Variants in FAM117A observed in about 807,000 individuals in gnomAD.
The protein encoded by FAM117A is family with sequence similarity 117 member A, also known as protein FAM117A.
In FAM117A, 21 loss-of-function variants were observed where a neutral mutation model predicts 44.1. The observed-to-expected ratio is 0.48, with a 90% CI of 0.34 to 0.69. The LOEUF (loss-of-function observed/expected upper bound fraction) is 0.69, where lower values mean the gene tolerates loss of function less well. Among genes scored for constraint, FAM117A ranks in the 30% least tolerant of loss-of-function variants. The pLI, the probability that FAM117A is intolerant of heterozygous loss-of-function variation, is 0.01. For synonymous variants in FAM117A, 220 were observed against 238.3 expected (o/e 0.92, Z 0.71); for missense variants, 498 against 589.9 (o/e 0.84, Z 1.61).
chr17:49,781,725 C>A (rs1223194549), intron 1 of FAM117A, among the ~76,000 whole-genome samples: 1 of 152,146 alleles, frequency 6.6e-6, no homozygotes, highest in Non-Finnish European at 1.5e-5. Flanking sequence ...GCTTGTAATC[C>A]TAGCATTTTG....
In FAM117A at chr17:49,771,011, A is replaced by C. The variant is rs1301776163; in HGVS notation, c.-621+17486T>G. ...CACTTGAGGTCAGGAGTTCGAGACC[A>C]GCCTGGCCAACATGGAGACACCCCC... On this transcript the variant is annotated intron_variant, in intron 1 of 7. Transcript: ENST00000513602. Among the ~76,000 whole-genome samples, 4 of 152,180 alleles carry C rather than the reference A, an allele frequency of 2.6e-5. No individual in the cohort carries two copies. The East Asian group carries it at 7.7e-4, about 29-fold the overall frequency.
chr17:49,754,322 C>A (rs1360682619), intron 1 of FAM117A, among the ~76,000 whole-genome samples: 1 of 146,466 alleles, frequency 6.8e-6, no homozygotes, highest in South Asian at 2.2e-4. Context: ...TTTTTTTTTT[C>A]GAGATGGAGT....
intron 1 of FAM117A, among the ~76,000 whole-genome samples, chr17:49,778,551 T>A (rs1438329231): frequency 6.6e-6 from 1 of 152,266 alleles, no homozygotes; most frequent in Non-Finnish European, 1.5e-5. Context: ...TTTCCCCGAC[T>A]CTGATATATC....
chr17:49,788,721 A>C (rs2073839421), upstream of FAM117A: 2 of 1,185,142 alleles, frequency 1.7e-6, no homozygotes, highest in Non-Finnish European at 2.3e-6. Context: ...GGCACTAGGG[A>C]TCGTCCGCAG....
At chr17:49,730,056 C>T (rs947065397) in intron 2 of FAM117A, among the ~76,000 whole-genome samples, 6 of 152,104 alleles carry the variant, frequency 3.9e-5, no homozygotes, top group East Asian at 1.9e-4. Context: ...GGACCAGGCC[C>T]GGGGGCTTAA....
At chr17:49,727,724 CTG>C (rs2073566406) in intron 2 of FAM117A, among the ~76,000 whole-genome samples, 2 of 152,358 alleles carry the variant, frequency 1.3e-5, no homozygotes, top group East Asian at 3.9e-4. Flanking sequence ...ACCCTCCAAA[CTG>C]GAATCTCTCA....
chr17:49,788,696 C>T, upstream of FAM117A: 1 of 915,698 alleles, frequency 1.1e-6, no homozygotes, highest in Non-Finnish European at 1.6e-6. Flanking sequence ...ACGCTCCAGA[C>T]GCTGAGAGGC....
chr17:49,760,803 C>T (rs1458368703), intron 1 of FAM117A, among the ~76,000 whole-genome samples: 5 of 152,188 alleles, frequency 3.3e-5, no homozygotes, highest in Non-Finnish European at 1.5e-5. Flanking sequence ...AAGTCAGCGG[C>T]CTCTAACTGA....
intron 1 of FAM117A, among the ~76,000 whole-genome samples, chr17:49,784,841 T>C (rs1008381588): frequency 1.3e-5 from 2 of 152,214 alleles, no homozygotes; most frequent in African/African-American, 4.8e-5. Flanking sequence ...TAAGCTCCTT[T>C]AGGGGAAAGT....
At position 49,724,881 on chromosome 17, in the gene FAM117A, G is replaced by T. The variant is rs913621743; in HGVS notation, c.367-2287C>A. Among the ~76,000 whole-genome samples the T allele has an allele frequency of 5.1e-4, 77 of 151,358 alleles. 2 individuals carry two copies. Among genetic ancestry groups the T allele is most frequent in the Non-Finnish European group, 9.6e-4 (65 of 67,830 alleles). ...AAAAAAAAGAAAAGAAAAAGAAAGG[G>T]ATGTGAAAATCATAGCAGCTAGGGT... is the stretch of plus-strand genomic sequence containing the variant. On this transcript the variant is annotated intron_variant, in intron 2 of 7. Coordinates refer to ENST00000240364, the MANE Select transcript of FAM117A (RefSeq NM_030802.4).
intron 1 of FAM117A, among the ~76,000 whole-genome samples, chr17:49,782,376 CAAAA>C (rs1193854249): frequency 4.4e-4 from 8 of 18,100 alleles, no homozygotes; most frequent in African/African-American, 1.5e-3. Context: ...GACTCCGTCT[CAAAA>C]AAAAAAAAAA....
At chr17:49,775,948 C>A (rs530702860) in intron 1 of FAM117A, among the ~76,000 whole-genome samples, 2 of 152,314 alleles carry the variant, frequency 1.3e-5, no homozygotes, top group South Asian at 4.1e-4. Flanking sequence ...ATTCTGAATT[C>A]TTCTCCTGAT....
intron 1 of FAM117A, among the ~76,000 whole-genome samples, chr17:49,740,379 A>T (rs887672128): frequency 6.6e-6 from 1 of 151,894 alleles, no homozygotes; most frequent in East Asian, 1.9e-4. Context: ...CCTCCCGAGT[A>T]GCTGGGACTA....
At chr17:49,783,796 C>G (rs570688809) in intron 1 of FAM117A, among the ~76,000 whole-genome samples, 1 of 152,216 alleles carries the variant, frequency 6.6e-6, no homozygotes, top group Admixed American at 6.5e-5. Flanking sequence ...GACCTGGCTA[C>G]ACTAGCATTG....
intron 7 of FAM117A, 30 bp from the exon 8 acceptor site, chr17:49,711,585 C>T: frequency 6.2e-7 from 1 of 1,600,530 alleles, no homozygotes; most frequent in South Asian, 1.1e-5. Flanking sequence ...ACACAAGACA[C>T]ATACGTACAC....
chr17:49,737,576 G>A (rs972434572), intron 1 of FAM117A, among the ~76,000 whole-genome samples: 1 of 152,212 alleles, frequency 6.6e-6, no homozygotes, highest in Non-Finnish European at 1.5e-5. Flanking sequence ...TCCTGGAGCT[G>A]CTTCTCCCAT....
chr17:49,774,383 G>A (rs1379576385), intron 1 of FAM117A, among the ~76,000 whole-genome samples: 6 of 141,422 alleles, frequency 4.2e-5, no homozygotes, highest in South Asian at 2.2e-4. Context: ...TTTTTGAGAC[G>A]GAGTCTCGCT....
intron 1 of FAM117A, among the ~76,000 whole-genome samples, chr17:49,782,091 T>A (rs1270675139): frequency 6.6e-6 from 1 of 151,996 alleles, no homozygotes; most frequent in Non-Finnish European, 1.5e-5. Context: ...ATAAAAATAG[T>A]TGGGTCAGGC....
intron 1 of FAM117A, chr17:49,788,476 C>T (rs1174316000): frequency 7.4e-6 from 2 of 269,680 alleles, no homozygotes; most frequent in African/African-American, 2.2e-5. Flanking sequence ...GCTACCCACG[C>T]CCACAAACAG....
Sources: gnomAD v4.1 joint callset for allele counts (sites outside exome capture counted in the v4.1 genomes callset) on GRCh38, gnomAD v4.1.1 for gene constraint, MANE v1.5 for transcripts, NCBI Gene and HGNC (gene_info 2026-07-23, HGNC 2026-07-21) for gene names.